Variants in FOXN3 observed in about 807,000 individuals in gnomAD.
FOXN3 encodes the protein forkhead box protein N3.
Under a neutral mutation model 38.4 loss-of-function variants are expected in FOXN3, and 7 were observed. The observed-to-expected ratio is 0.18, with a 90% CI of 0.10 to 0.34. FOXN3 has a LOEUF of 0.34. FOXN3 is among the 10% of genes least tolerant of loss of function. The pLI is 1.00. For missense variants in FOXN3, 456 were observed against 613.4 expected, an observed-to-expected ratio of 0.74 and a Z score of 2.71; for synonymous variants, 230 against 242.2, an observed-to-expected ratio of 0.95 and a Z score of 0.47.
At position 89,309,286 on chromosome 14, in the gene FOXN3, C is replaced by T. The variant is rs189872524; in HGVS notation, c.681-28272G>A. Among the ~76,000 whole-genome samples, 4 of 152,094 alleles carry T rather than the reference C, an allele frequency of 2.6e-5. No individual in the cohort carries two copies. In the East Asian group the frequency reaches 7.8e-4, roughly 29 times the overall value. On this transcript the variant is annotated intron_variant, in intron 3 of 5. Transcript: ENST00000557258. Reference sequence around the variant, plus strand: ...CCATTTCCAAGCCTCCAGGAGTTGCCACGTGCCACCACTTCTCTTTACCCA... The same window carrying T: ...CCATTTCCAAGCCTCCAGGAGTTGCTACGTGCCACCACTTCTCTTTACCCA...
At chr14:89,213,039 A>T (rs542813636) in intron 4 of FOXN3, among the ~76,000 whole-genome samples, 375 of 152,252 alleles carry the variant, frequency 2.5e-3, no homozygotes, top group Non-Finnish European at 3.1e-3. Flanking sequence ...GTTTTTCTGG[A>T]CATAGAGATA....
At chr14:89,536,736 C>T (rs1894695476) in intron 1 of FOXN3, among the ~76,000 whole-genome samples, 1 of 151,892 alleles carries the variant, frequency 6.6e-6, no homozygotes, top group African/African-American at 2.4e-5. Context: ...CGAGATCGGG[C>T]CTCTGCACTC....
intron 3 of FOXN3, among the ~76,000 whole-genome samples, chr14:89,341,816 G>C (rs1888623484): frequency 6.6e-6 from 1 of 152,178 alleles, no homozygotes; most frequent in Non-Finnish European, 1.5e-5. Context: ...GGGAAGGCGA[G>C]GGGTTTGACA....
intron 4 of FOXN3, among the ~76,000 whole-genome samples, chr14:89,196,598 C>A (rs766863576): frequency 1.6e-4 from 25 of 152,118 alleles, no homozygotes; most frequent in Non-Finnish European, 3.4e-4. Context: ...GGAACACCTA[C>A]CAAATGGGGC....
rs1333930307 is a variant in FOXN3 at position 89,473,339 on chromosome 14, T to C, written c.-14-60849A>G. Among the ~76,000 whole-genome samples the C allele has an allele frequency of 2.6e-5, 4 of 151,176 alleles. No individual in the cohort carries two copies. The East Asian group carries it at 7.8e-4, about 29-fold the overall frequency. ...GTGCCCGGCCAGAAGGTGATCATTT[T>C]AATAAATTCCAATTTCTGATATGGA... On this transcript the variant is annotated intron_variant, in intron 1 of 6. Transcript: ENST00000345097.
At chr14:89,496,748 T>C (rs1893691040) in intron 1 of FOXN3, among the ~76,000 whole-genome samples, 1 of 152,176 alleles carries the variant, frequency 6.6e-6, no homozygotes, top group African/African-American at 2.4e-5. Flanking sequence ...CATCCATCTC[T>C]ACAACTCTGT....
intron 2 of FOXN3, among the ~76,000 whole-genome samples, chr14:89,404,923 G>C (rs1175775914): frequency 6.6e-6 from 1 of 152,122 alleles, no homozygotes; most frequent in Non-Finnish European, 1.5e-5. Context: ...AGACCACACT[G>C]TCTTCCAATG....
chr14:89,563,160 A>G (rs539208921), intron 1 of FOXN3, among the ~76,000 whole-genome samples: 33 of 152,350 alleles, frequency 2.2e-4, no homozygotes, highest in Admixed American at 1.0e-3. Context: ...TGTCACAACG[A>G]TGACAGCTAA....
intron 4 of FOXN3, among the ~76,000 whole-genome samples, chr14:89,191,279 C>T (rs1299346697): frequency 6.6e-6 from 1 of 152,192 alleles, no homozygotes; most frequent in Admixed American, 6.5e-5. Flanking sequence ...AGTAAACAAC[C>T]CCCAAGAATG....
intron 2 of FOXN3, among the ~76,000 whole-genome samples, chr14:89,359,437 C>T (rs8022991): frequency 0.013 from 1,950 of 152,246 alleles, 37 homozygotes; most frequent in African/African-American, 0.045. Flanking sequence ...ATTGTGAAAT[C>T]ATGCAGATTT....
At chr14:89,566,366 A>AG (rs1286472430) in intron 1 of FOXN3, among the ~76,000 whole-genome samples, 1 of 152,236 alleles carries the variant, frequency 6.6e-6, no homozygotes, top group African/African-American at 2.4e-5. Context: ...CACGCTGGGT[A>AG]GAAATTTAGC....
At chr14:89,566,182 C>T (rs1315829165) in intron 1 of FOXN3, among the ~76,000 whole-genome samples, 1 of 152,228 alleles carries the variant, frequency 6.6e-6, no homozygotes, top group East Asian at 1.9e-4. Context: ...CCCATACACA[C>T]TGTACTATTT....
At chr14:89,460,801 CG>C (rs1464735808) in intron 1 of FOXN3, among the ~76,000 whole-genome samples, 2 of 151,762 alleles carry the variant, frequency 1.3e-5, no homozygotes, top group Admixed American at 1.3e-4. Flanking sequence ...GAGGCCGAGG[CG>C]GGCAGATCAC....
At chr14:89,468,004 C>T (rs1167524078) in intron 1 of FOXN3, among the ~76,000 whole-genome samples, 1 of 150,966 alleles carries the variant, frequency 6.6e-6, no homozygotes, top group Admixed American at 6.6e-5. Context: ...GTGGATCCTG[C>T]CAAAAATAAT....
At chr14:89,382,468 C>T (rs1452210129) in intron 2 of FOXN3, among the ~76,000 whole-genome samples, 1 of 152,192 alleles carries the variant, frequency 6.6e-6, no homozygotes, top group Non-Finnish European at 1.5e-5. Flanking sequence ...TTATGCCAAC[C>T]CATCTCTGTT....
At chr14:89,378,919 C>G (rs549907316) in intron 2 of FOXN3, among the ~76,000 whole-genome samples, 16 of 152,270 alleles carry the variant, frequency 1.1e-4, no homozygotes, top group Non-Finnish European at 1.9e-4. Context: ...GTTGGGCAGG[C>G]TGGTCTCAAT....
chr14:89,279,711 TAAAATTAGGTTTAACC>T (rs1224837579), intron 4 of FOXN3, among the ~76,000 whole-genome samples: 2 of 152,182 alleles, frequency 1.3e-5, no homozygotes, highest in African/African-American at 4.8e-5. Flanking sequence ...CGATGATTAT[TAAAATTAGGTTTAACC>T]AAACTTGCCT....
At chr14:89,449,908 G>A (rs976550449) in intron 1 of FOXN3, among the ~76,000 whole-genome samples, 7 of 152,200 alleles carry the variant, frequency 4.6e-5, no homozygotes, top group Non-Finnish European at 7.3e-5. Context: ...GATGACTTAA[G>A]GGGAAGAGAC....
chr14:89,545,769 T>C (rs1249770158), intron 1 of FOXN3, among the ~76,000 whole-genome samples: 2 of 152,196 alleles, frequency 1.3e-5, no homozygotes, highest in Non-Finnish European at 2.9e-5. Flanking sequence ...GTAACTGATC[T>C]GTGGGGCAGA....
Sources: allele counts gnomAD v4.1 joint callset (sites outside exome capture counted in the v4.1 genomes callset), GRCh38; gene constraint gnomAD v4.1.1; transcripts MANE v1.5; gene names NCBI Gene and HGNC (gene_info 2026-07-23, HGNC 2026-07-21).